CACNA1E: variants seen among roughly 807,000 people sequenced by gnomAD.
The protein encoded by CACNA1E is calcium voltage-gated channel subunit alpha1 E, also known as voltage-dependent R-type calcium channel subunit alpha-1E.
In CACNA1E, 40 loss-of-function variants were observed where a neutral mutation model predicts 259.2. The observed-to-expected ratio is 0.15, with a 90% CI of 0.12 to 0.20. CACNA1E has a LOEUF of 0.20. Ranked by LOEUF, CACNA1E falls within the 10% of genes least tolerant of loss-of-function variation. CACNA1E has a pLI of 1.00. For synonymous variants in CACNA1E, 1,104 were observed against 1,138.5 expected, an observed-to-expected ratio of 0.97 and a Z score of 0.61; for missense variants, 1,874 against 3,040.1, an observed-to-expected ratio of 0.62 and a Z score of 9.02.
At chr1:181,401,163 T>C (rs1052192092) in intron 1 of CACNA1E, among the ~76,000 whole-genome samples, 12 of 152,210 alleles carry the variant, frequency 7.9e-5, no homozygotes, top group Non-Finnish European at 1.3e-4. Flanking sequence ...ATATCAGAAT[T>C]GCCACTTCCT....
At position 181,661,252 on chromosome 1, in the gene CACNA1E, G is replaced by A. The variant is rs1473769300; in HGVS notation, c.1055+9811G>A. Among the ~76,000 whole-genome samples the A allele has an allele frequency of 2.0e-5, 3 of 152,202 alleles. No homozygotes were observed. The East Asian group carries it at 5.8e-4, about 29-fold the overall frequency. On this transcript the variant is annotated intron_variant, in intron 7 of 47. Transcript: ENST00000367573. The stretch of plus-strand genomic sequence containing the variant: ...GGAGATGGCTAGATTTGCATTTGAA[G>A]ATGATCACCCTGGAGAAGGTACATA...
chr1:181,440,920 G>T (rs1660419848), intron 2 of CACNA1E, among the ~76,000 whole-genome samples: 1 of 147,940 alleles, frequency 6.8e-6, no homozygotes, highest in Non-Finnish European at 1.5e-5. Context: ...GGTCGAGGCT[G>T]CAGTGAGCCA....
At chr1:181,541,505 A>T (rs948128128) in intron 3 of CACNA1E, among the ~76,000 whole-genome samples, 5 of 152,096 alleles carry the variant, frequency 3.3e-5, no homozygotes, top group African/African-American at 1.2e-4. Flanking sequence ...CGTTGAGAGC[A>T]GCAAAACAGA....
At chr1:181,417,838 C>G (rs1044653671) in intron 2 of CACNA1E, among the ~76,000 whole-genome samples, 2 of 152,182 alleles carry the variant, frequency 1.3e-5, no homozygotes, top group African/African-American at 4.8e-5. Flanking sequence ...GCACTGACCG[C>G]CTGCTGCATC....
chr1:181,739,282 C>A, intron 25 of CACNA1E, 29 bp downstream of exon 25: 3 of 1,371,170 alleles, frequency 2.2e-6, no homozygotes, highest in African/African-American at 1.4e-5. Context: ...ATTTGATTCC[C>A]TTCCTTCCCC....
At chr1:181,728,700 C>T (rs1172749318) in intron 18 of CACNA1E, among the ~76,000 whole-genome samples, 1 of 152,034 alleles carries the variant, frequency 6.6e-6, no homozygotes, top group Non-Finnish European at 1.5e-5. Context: ...GTGCCCTACA[C>T]AGGTGTGTGT....
In CACNA1E at chr1:181,372,232, A is replaced by G. The variant is rs1028444475; in HGVS notation, c.-14-40901A>G. Among the ~76,000 whole-genome samples, 4 of 152,126 alleles carry G rather than the reference A, an allele frequency of 2.6e-5. No homozygotes were observed. The East Asian group carries it at 7.7e-4, about 29-fold the overall frequency. On this transcript the variant is annotated intron_variant, in intron 1 of 11. Coordinates refer to the CACNA1E transcript ENST00000524607. ...ATTGATTCTTCCTGTACATGAGCAT[A>G]AAATATTTTTTCCATTTGTTTATGT...
chr1:181,726,200 T>G, intron 18 of CACNA1E, 38 bp downstream of exon 18: 1 of 1,425,052 alleles, frequency 7.0e-7, no homozygotes, highest in Non-Finnish European at 9.8e-7. Flanking sequence ...CCTGAGCTCC[T>G]GTGCTAACAG....
In CACNA1E at chr1:181,733,729, G is replaced by A. The variant is rs375232970; in HGVS notation, c.3241G>A (p.Val1081Met). The change falls in exon 21 of 48, where the codon GTG becomes ATG. Residue 1081 changes from valine (V) to methionine (M), a missense_variant. By Grantham distance (21) the Val-to-Met change is conservative. Around this residue, in one of 14 missense-constraint regions of CACNA1E, gnomAD observed 476 missense variants for 514.0 expected, o/e 0.93. Transcript: ENST00000367573. ...TVAIPDVDPL[V>M]DSTVVHISNK... ...CGCCATCCCCGACGTGGACCCCTTG[G>A]TGGACTCAACCGTGGTGCACAGTGA... is the stretch of plus-strand genomic sequence containing the variant. The A allele has an allele frequency of 4.6e-5, 72 of 1,571,328 alleles. No individual in the cohort carries two copies. Among genetic ancestry groups the A allele is most frequent in the Non-Finnish European group, 6.0e-5 (70 of 1,158,226 alleles).
At chr1:181,790,126 G>T (rs1020572700) in intron 43 of CACNA1E, among the ~76,000 whole-genome samples, 4 of 152,066 alleles carry the variant, frequency 2.6e-5, no homozygotes, top group Non-Finnish European at 5.9e-5. Context: ...CGCCAAATGG[G>T]GAAACTGAGC....
rs1270183602 is a variant in CACNA1E, at chr1:181,796,717, A to G, written c.6258A>G (p.Ser2086=). ...HRSGGRERGR[S]KERKHLLSPD... ...CAGGGGGCAGGGAGCGGGGACGATC[A>G]AAAGAGCGAAAGCATCTTCTCTCTC... The change falls in exon 47 of 48, where the codon TCA becomes TCG. Residue 2086 remains serine (S), a synonymous_variant. Coordinates refer to ENST00000367573, the MANE Select transcript of CACNA1E (RefSeq NM_001205293.3). 2.5e-6 allele frequency: 4 copies of G among 1,612,682 alleles called. No homozygotes were observed. Among genetic ancestry groups the G allele is most frequent in the Non-Finnish European group, 3.4e-6 (4 of 1,178,964 alleles).
intron 35 of CACNA1E, among the ~76,000 whole-genome samples, chr1:181,770,538 T>C (rs1299827170): frequency 6.6e-6 from 1 of 152,230 alleles, no homozygotes; most frequent in African/African-American, 2.4e-5. Context: ...AGCCATTTTC[T>C]GTTTTCCTTT....
intron 23 of CACNA1E, among the ~76,000 whole-genome samples, chr1:181,737,859 A>G (rs1572751617): frequency 6.6e-6 from 1 of 152,126 alleles, no homozygotes; most frequent in East Asian, 1.9e-4. Context: ...GCTCTGCCCC[A>G]AACCGGCCAG....
At chr1:181,457,058 G>A (rs539773035) in intron 2 of CACNA1E, among the ~76,000 whole-genome samples, 10 of 152,252 alleles carry the variant, frequency 6.6e-5, no homozygotes, top group Non-Finnish European at 1.0e-4. Flanking sequence ...GTACCACAAA[G>A]TAAGTGGCTT....
At chr1:181,407,711 A>T (rs1657567391) in intron 1 of CACNA1E, among the ~76,000 whole-genome samples, 1 of 152,132 alleles carries the variant, frequency 6.6e-6, no homozygotes. Context: ...CCCTAGATGA[A>T]TATTTATTTC....
chr1:181,410,707 C>T (rs72729370), intron 1 of CACNA1E, among the ~76,000 whole-genome samples: 16,677 of 152,194 alleles, frequency 0.11, 1,058 homozygotes, highest in South Asian at 0.27. Context: ...AAACCATAAG[C>T]TAGGACTTGA....
At chr1:181,630,021 A>T (rs1417015225) in intron 6 of CACNA1E, among the ~76,000 whole-genome samples, 1 of 152,198 alleles carries the variant, frequency 6.6e-6, no homozygotes, top group Non-Finnish European at 1.5e-5. Context: ...TCCCATTCAA[A>T]AAAATAGCAA....
In CACNA1E at chr1:181,485,043, T is replaced by C. The variant is rs1663667600; in HGVS notation, c.266+1033T>C. 6.6e-6 allele frequency among the ~76,000 whole-genome samples: 1 copy of C among 152,218 alleles called. No individual in the cohort carries two copies. Among genetic ancestry groups the C allele is most frequent in the Admixed American group, 6.5e-5 (1 of 15,286 alleles). ...AAGGATTGGACGCCTGGCAAGGCCA[T>C]TGGGAATTGGGGGTGGTGAGGCAGT... On this transcript the variant is annotated intron_variant, in intron 1 of 47. Coordinates refer to ENST00000367573, the MANE Select transcript of CACNA1E (RefSeq NM_001205293.3). This position sits in a 1 kb window ranked among gnomAD's most constrained non-coding sequence, Gnocchi z 4.2.
At chr1:181,585,012 C>CG (rs1651913633) in intron 6 of CACNA1E, among the ~76,000 whole-genome samples, 1 of 140,700 alleles carries the variant, frequency 7.1e-6, no homozygotes, top group South Asian at 2.2e-4. Context: ...ATAAACTGGT[C>CG]CCCCCCCCTG....
Sources: allele counts gnomAD v4.1 joint callset (sites outside exome capture counted in the v4.1 genomes callset), GRCh38; gene constraint gnomAD v4.1.1; regional missense constraint gnomAD v4.1.1; non-coding constraint Gnocchi (gnomAD v3.1); transcripts MANE v1.5; gene names NCBI Gene and HGNC (gene_info 2026-07-23, HGNC 2026-07-21).